USP26: variants seen among roughly 807,000 people sequenced by gnomAD.
The protein encoded by USP26 is ubiquitin specific peptidase 26, also known as ubiquitin carboxyl-terminal hydrolase 26.
For synonymous variants in USP26, 236 were observed against 240.6 expected (o/e 0.98, Z 0.18); for missense variants, 649 against 642.3 (o/e 1.01, Z -0.11).
At chrX:133,069,459 G>A (rs1375952644) in intron 5 of USP26, among the ~76,000 whole-genome samples, 1 of 110,946 alleles carries the variant, frequency 9.0e-6, no homozygotes, top group East Asian at 2.8e-4. Flanking sequence ...AGGTGGTGGG[G>A]AGTGCACTGC....
intron 5 of USP26, among the ~76,000 whole-genome samples, chrX:133,031,740 C>A (rs1437914330): frequency 1.8e-5 from 2 of 111,977 alleles, no homozygotes; most frequent in Non-Finnish European, 3.8e-5. Flanking sequence ...AATGAAAAAA[C>A]CCCACAAAAT....
At chrX:133,065,876 G>A (rs1372563564) in intron 5 of USP26, among the ~76,000 whole-genome samples, 1 of 111,862 alleles carries the variant, frequency 8.9e-6, no homozygotes, top group African/African-American at 3.3e-5. Context: ...TCTGGCCAGA[G>A]CCATCAGGCA....
At chrX:133,055,369 A>C (rs2067471831) in intron 5 of USP26, among the ~76,000 whole-genome samples, 1 of 111,759 alleles carries the variant, frequency 8.9e-6, no homozygotes, top group Non-Finnish European at 1.9e-5. Context: ...GATGGAAATC[A>C]CAAGCAAGGA....
At chrX:133,031,887 C>A (rs2067377992) in intron 5 of USP26, among the ~76,000 whole-genome samples, 1 of 111,682 alleles carries the variant, frequency 9.0e-6, no homozygotes, top group African/African-American at 3.3e-5. Context: ...TGGCTCATGC[C>A]TGTAATCCCA....
intron 5 of USP26, among the ~76,000 whole-genome samples, chrX:133,040,545 T>C (rs2067415102): frequency 8.9e-6 from 1 of 112,095 alleles, no homozygotes; most frequent in African/African-American, 3.2e-5. Flanking sequence ...TTGTAGGGTT[T>C]CTGTAGAGAG....
intron 5 of USP26, among the ~76,000 whole-genome samples, chrX:133,073,763 A>C (rs1488200292): frequency 9.0e-6 from 1 of 111,339 alleles, no homozygotes; most frequent in Non-Finnish European, 1.9e-5. Flanking sequence ...TAATGACCAA[A>C]TGTCTCATGC....
intron 5 of USP26, among the ~76,000 whole-genome samples, chrX:133,071,582 C>T (rs1451441533): frequency 1.8e-5 from 2 of 110,388 alleles, no homozygotes; most frequent in East Asian, 5.7e-4. Context: ...GTAAAACAAC[C>T]ATGCAATAGT....
chrX:133,039,633 T>C (rs1259565603), intron 5 of USP26, among the ~76,000 whole-genome samples: 2 of 111,431 alleles, frequency 1.8e-5, no homozygotes, highest in Non-Finnish European at 3.8e-5. Flanking sequence ...AAGGAGAATA[T>C]GTGCTTTGTG....
chrX:133,072,217 T>C (rs750616142), intron 5 of USP26, among the ~76,000 whole-genome samples: 2 of 111,919 alleles, frequency 1.8e-5, no homozygotes, highest in Non-Finnish European at 3.8e-5. Context: ...ATCACTACTT[T>C]AGAACAAATA....
intron 5 of USP26, among the ~76,000 whole-genome samples, chrX:133,044,856 G>A (rs1049136173): frequency 4.4e-5 from 5 of 113,463 alleles, no homozygotes; most frequent in Admixed American, 1.8e-4. Context: ...GTCTAGTGGG[G>A]ACTTGGAGAA....
At chrX:133,050,344 A>T (rs1569510204) in intron 5 of USP26, among the ~76,000 whole-genome samples, 1 of 111,914 alleles carries the variant, frequency 8.9e-6, no homozygotes. Context: ...AAAACACTCA[A>T]TTTTACCATC....
chrX:133,027,982 C>A lies in USP26; in HGVS notation c.239G>T (p.Gly80Val). 1 of 1,211,172 alleles carries A rather than the reference C, an allele frequency of 8.3e-7. No homozygotes were observed. The highest frequency in any genetic ancestry group is 1.1e-6 in the Non-Finnish European group (1 of 895,152). ...HLHLTLQNNN[G>V]LFIEGLSSTD... The stretch of plus-strand genomic sequence containing the variant: ...GGAGGATAATCCTTCAATAAACAAG[C>A]CATTATTATTTTGTAAAGTTAAATG... The change falls in exon 6 of 6, where the codon GGC becomes GTC. Residue 80 changes from glycine to valine, a missense_variant. Gly to Val is a moderately radical substitution (Grantham distance 109). Coordinates refer to ENST00000511190, the MANE Select transcript of USP26 (RefSeq NM_031907.3).
At chrX:133,037,075 A>G (rs990867947) in intron 5 of USP26, among the ~76,000 whole-genome samples, 2 of 111,475 alleles carry the variant, frequency 1.8e-5, no homozygotes, top group East Asian at 5.6e-4. Flanking sequence ...TGGATATTAG[A>G]CTTTTGTCAG....
chrX:133,094,154 T>G (rs2067619034), intron 1 of USP26, among the ~76,000 whole-genome samples: 1 of 111,309 alleles, frequency 9.0e-6, no homozygotes, highest in Admixed American at 9.7e-5. Flanking sequence ...TAATTTTAAT[T>G]ATCCCACTGA....
chrX:133,027,176 TA>T lies in USP26; in HGVS notation c.1044del (p.Phe348LeufsTer7), dbSNP rs772870708. ...LTMCLARLLF[F>X]KDTYNIEIKE... ...TTGATTTCTATATTATAGGTATCTT[TA>T]AAAAAAAGTAGCCGTGCCAAGCACA... On this transcript the variant is annotated frameshift_variant, in exon 6 of 6. Coordinates refer to ENST00000511190, the MANE Select transcript of USP26 (RefSeq NM_031907.3). LOFTEE classifies it low-confidence loss of function (END_TRUNC). 8.3e-7 allele frequency: 1 copy of T among 1,208,829 alleles called. No homozygotes were observed. Among genetic ancestry groups the T allele is most frequent in the Non-Finnish European group, 1.1e-6 (1 of 893,905 alleles).
intron 5 of USP26, among the ~76,000 whole-genome samples, chrX:133,059,802 C>A (rs1000748228): frequency 4.5e-5 from 5 of 111,820 alleles, no homozygotes; most frequent in African/African-American, 1.6e-4. Flanking sequence ...GCTTGCTTAC[C>A]TTCCACTCTT....
At chrX:133,096,617 A>T (rs1238278259) in intron 1 of USP26, among the ~76,000 whole-genome samples, 1 of 112,393 alleles carries the variant, frequency 8.9e-6, no homozygotes, top group Non-Finnish European at 1.9e-5. Context: ...AAGAGAGGCC[A>T]GGCGTGGTGA....
chrX:133,086,023 G>T (rs896975657), intron 4 of USP26, among the ~76,000 whole-genome samples: 4 of 110,947 alleles, frequency 3.6e-5, no homozygotes, highest in Non-Finnish European at 7.5e-5. Flanking sequence ...GTAATGTCCT[G>T]CCCAGGGTTG....
chrX:133,029,927 G>A (rs2067370113), intron 5 of USP26, among the ~76,000 whole-genome samples: 1 of 111,728 alleles, frequency 9.0e-6, no homozygotes, highest in Non-Finnish European at 1.9e-5. Context: ...AAGTTGAGTG[G>A]TCTAACCACT....
Sources: allele counts gnomAD v4.1 joint callset (sites outside exome capture counted in the v4.1 genomes callset), GRCh38; gene constraint gnomAD v4.1.1; transcripts MANE v1.5; gene names NCBI Gene and HGNC (gene_info 2026-07-23, HGNC 2026-07-21).